CDYL: variants seen among roughly 807,000 people sequenced by gnomAD.
CDYL encodes chromodomain Y-like protein.
In CDYL, 8 loss-of-function variants were observed where a neutral mutation model predicts 47.3. The observed-to-expected ratio is 0.17, with a 90% CI of 0.10 to 0.31. The LOEUF (loss-of-function observed/expected upper bound fraction) is 0.31, where lower values mean the gene tolerates loss of function less well. CDYL is among the 10% of genes least tolerant of loss of function. The pLI, the probability that CDYL is intolerant of heterozygous loss-of-function variation, is 1.00. For synonymous variants in CDYL, 266 were observed against 265.0 expected, an observed-to-expected ratio of 1.00 and a Z score of -0.04; for missense variants, 471 against 701.4, an observed-to-expected ratio of 0.67 and a Z score of 3.71.
intron 1 of CDYL, among the ~76,000 whole-genome samples, chr6:4,887,306 G>A (rs931370607): frequency 6.6e-6 from 1 of 152,088 alleles, no homozygotes; most frequent in African/African-American, 2.4e-5. Flanking sequence ...GGTATTAACA[G>A]TATTAAGTCC....
chr6:4,883,045 G>C (rs970295723), intron 1 of CDYL, among the ~76,000 whole-genome samples: 13 of 152,196 alleles, frequency 8.5e-5, no homozygotes, highest in Non-Finnish European at 1.8e-4. Context: ...TAATCAATCT[G>C]TGTAAGCGAC....
chr6:4,750,265 C>T (rs572685326), intron 3 of CDYL, among the ~76,000 whole-genome samples: 11 of 152,224 alleles, frequency 7.2e-5, no homozygotes, highest in African/African-American at 1.7e-4. Flanking sequence ...AGCAATGGCA[C>T]GATCTTGGCT....
chr6:4,710,166 G>C (rs1181415442), intron 1 of CDYL, among the ~76,000 whole-genome samples: 1 of 152,140 alleles, frequency 6.6e-6, no homozygotes, highest in Non-Finnish European at 1.5e-5. Flanking sequence ...AGGTTGCAGT[G>C]AGCTGAGATC....
intron 2 of CDYL, among the ~76,000 whole-genome samples, chr6:4,910,598 T>G (rs960514115): frequency 1.3e-5 from 2 of 152,196 alleles, no homozygotes; most frequent in Non-Finnish European, 2.9e-5. Flanking sequence ...AACAGGTAAG[T>G]GCTCTCAGCT....
intron 1 of CDYL, among the ~76,000 whole-genome samples, chr6:4,828,090 T>C (rs1175154294): frequency 6.6e-6 from 1 of 152,244 alleles, no homozygotes; most frequent in African/African-American, 2.4e-5. Context: ...TTTGAGTTAC[T>C]GTTTAGCATG....
intron 1 of CDYL, among the ~76,000 whole-genome samples, chr6:4,855,994 AAAG>A (rs1760995637): frequency 3.3e-5 from 5 of 152,232 alleles, no homozygotes; most frequent in Admixed American, 2.6e-4. Context: ...GGCAGTTAGA[AAAG>A]AAGAATTGCA....
At chr6:4,925,235 A>G (rs1004897253) in intron 2 of CDYL, among the ~76,000 whole-genome samples, 4 of 152,052 alleles carry the variant, frequency 2.6e-5, no homozygotes, top group Non-Finnish European at 5.9e-5. Flanking sequence ...GATCGTTCCT[A>G]ATGTGTCACT....
At chr6:4,876,344 T>A (rs1761620385) in intron 1 of CDYL, among the ~76,000 whole-genome samples, 1 of 152,178 alleles carries the variant, frequency 6.6e-6, no homozygotes, top group Non-Finnish European at 1.5e-5. Flanking sequence ...TTTCATTCCT[T>A]TGGGGTAATT....
chr6:4,766,877 G>A (rs774485607), intron 3 of CDYL, among the ~76,000 whole-genome samples: 3 of 151,896 alleles, frequency 2.0e-5, no homozygotes, highest in East Asian at 1.9e-4. Flanking sequence ...GGCGTTCACC[G>A]GTAGTCTCAG....
chr6:4,872,327 T>G (rs1761499632), intron 1 of CDYL, among the ~76,000 whole-genome samples: 1 of 90,402 alleles, frequency 1.1e-5, no homozygotes, highest in South Asian at 3.5e-4. Context: ...GATTTGGCTT[T>G]TTTTTTTTTT....
chr6:4,724,055 G>A (rs186401060), intron 2 of CDYL, among the ~76,000 whole-genome samples: 112 of 152,008 alleles, frequency 7.4e-4, no homozygotes, highest in Middle Eastern at 3.4e-3. Flanking sequence ...TTTTGTGCGC[G>A]TTTGAGAGAG....
At chr6:4,933,714 G>A (rs1440356678) in intron 2 of CDYL, among the ~76,000 whole-genome samples, 1 of 152,184 alleles carries the variant, frequency 6.6e-6, no homozygotes, top group Non-Finnish European at 1.5e-5. Flanking sequence ...CAACACCTTT[G>A]CTGACTGGTA....
At chr6:4,852,970 T>C (rs1445447488) in intron 1 of CDYL, among the ~76,000 whole-genome samples, 1 of 152,108 alleles carries the variant, frequency 6.6e-6, no homozygotes, top group Non-Finnish European at 1.5e-5. Context: ...TTTAATTCTT[T>C]GTAGAGAAGA....
chr6:4,836,784 G>A (rs1264907231), intron 1 of CDYL, among the ~76,000 whole-genome samples: 4 of 152,206 alleles, frequency 2.6e-5, no homozygotes, highest in Admixed American at 6.5e-5. Flanking sequence ...GGGACTGAGT[G>A]CGAGGAAGGG....
At chr6:4,885,620 G>C (rs1761880733) in intron 1 of CDYL, among the ~76,000 whole-genome samples, 2 of 152,182 alleles carry the variant, frequency 1.3e-5, no homozygotes, top group Non-Finnish European at 2.9e-5. Context: ...ACAAGTTATA[G>C]CTTGGTAGTT....
At chr6:4,897,051 T>C (rs1290941342) in intron 2 of CDYL, among the ~76,000 whole-genome samples, 1 of 152,240 alleles carries the variant, frequency 6.6e-6, no homozygotes, top group Non-Finnish European at 1.5e-5. Flanking sequence ...GTGATGCAGC[T>C]AGCTGTCTTC....
At chr6:4,800,213 T>C (rs569578363) in intron 1 of CDYL, among the ~76,000 whole-genome samples, 1 of 152,296 alleles carries the variant, frequency 6.6e-6, no homozygotes, top group Non-Finnish European at 1.5e-5. Flanking sequence ...GAAGGGATTT[T>C]ATTTGCTTTT....
chr6:4,710,703 C>T (rs1757136084), intron 1 of CDYL, among the ~76,000 whole-genome samples: 1 of 152,076 alleles, frequency 6.6e-6, no homozygotes, highest in South Asian at 2.1e-4. Flanking sequence ...CGTCTTTATT[C>T]TCTGCTCCTT....
chr6:4,867,382 A>G (rs901318678), intron 1 of CDYL, among the ~76,000 whole-genome samples: 6 of 152,142 alleles, frequency 3.9e-5, no homozygotes, highest in Non-Finnish European at 8.8e-5. Flanking sequence ...GAGAATGAAC[A>G]TCCTTACTTC....
Sources: allele counts gnomAD v4.1 joint callset (sites outside exome capture counted in the v4.1 genomes callset), GRCh38; gene constraint gnomAD v4.1.1; transcripts MANE v1.5; gene names NCBI Gene and HGNC (gene_info 2026-07-23, HGNC 2026-07-21).